The following CDH12 variants were observed in gnomAD, a reference collection of about 807,000 sequenced individuals.
The protein encoded by CDH12 is cadherin-12.
A neutral mutation model predicts 74.1 loss-of-function variants in CDH12; 41 were observed. The observed-to-expected ratio is 0.55, with a 90% CI of 0.43 to 0.72. CDH12 has a LOEUF of 0.72. Ranked by LOEUF, CDH12 falls within the 30% of genes least tolerant of loss-of-function variation. CDH12 has a pLI of 0.00. For synonymous variants in CDH12, 399 were observed against 355.0 expected (o/e 1.12, Z -1.39); for missense variants, 945 against 977.2 (o/e 0.97, Z 0.44).
intron 1 of CDH12, among the ~76,000 whole-genome samples, chr5:22,549,188 G>T (rs1738459373): frequency 2.0e-5 from 3 of 151,460 alleles, no homozygotes; most frequent in Admixed American, 2.0e-4. Flanking sequence ...GGCCAGGCTG[G>T]CCTGGAATTC....
Position 22,389,016 on chromosome 5 carries a change from C to T in CDH12, c.-333+16241G>A, listed in dbSNP as rs139140031. ...ATCTTTTCTTATGGTTCTTGACAGC[C>T]GAGGGCAAACAAGGTTCTTTGTCAA... On this transcript the variant is annotated intron_variant, in intron 3 of 14. Transcript: ENST00000382254. Among the ~76,000 whole-genome samples the T allele has an allele frequency of 1.2e-4, 19 of 152,210 alleles. No homozygotes were observed. The East Asian group carries it at 3.5e-3, about 28-fold the overall frequency.
intron 2 of CDH12, among the ~76,000 whole-genome samples, chr5:22,474,803 T>A (rs1353840538): frequency 6.6e-6 from 1 of 152,146 alleles, no homozygotes; most frequent in African/African-American, 2.4e-5. Flanking sequence ...TGTAGAAAGC[T>A]GTCCCCAAAG....
chr5:21,863,083 C>G (rs1751136745), intron 6 of CDH12, among the ~76,000 whole-genome samples: 1 of 152,088 alleles, frequency 6.6e-6, no homozygotes, highest in Non-Finnish European at 1.5e-5. Context: ...GTTTCTATCC[C>G]TATTTTTAAA....
intron 10 of CDH12, among the ~76,000 whole-genome samples, chr5:21,787,375 A>G (rs1487744907): frequency 1.3e-5 from 2 of 152,032 alleles, no homozygotes; most frequent in Non-Finnish European, 2.9e-5. Context: ...CAAGATTACA[A>G]CTTGCTGAAG....
chr5:22,626,312 C>T (rs1738294124), intron 1 of CDH12, among the ~76,000 whole-genome samples: 1 of 152,178 alleles, frequency 6.6e-6, no homozygotes, highest in South Asian at 2.1e-4. Context: ...TGCCACCACC[C>T]CTACAGAGCA....
At chr5:22,695,962 A>G (rs1413192463) in intron 1 of CDH12, among the ~76,000 whole-genome samples, 1 of 152,132 alleles carries the variant, frequency 6.6e-6, no homozygotes, top group Non-Finnish European at 1.5e-5. Context: ...TTATTCAACA[A>G]TCTTAACCAA....
At chr5:22,460,783 C>T (rs1404155551) in intron 2 of CDH12, among the ~76,000 whole-genome samples, 2 of 135,994 alleles carry the variant, frequency 1.5e-5, no homozygotes, top group East Asian at 2.2e-4. Context: ...CGTGATGGCA[C>T]GATCTCGGCT....
At chr5:22,607,432 G>A (rs752968332) in intron 1 of CDH12, among the ~76,000 whole-genome samples, 3 of 152,156 alleles carry the variant, frequency 2.0e-5, no homozygotes, top group Non-Finnish European at 2.9e-5. Context: ...ATGGCAAGAG[G>A]CAAAAGGCAC....
chr5:21,772,554 G>A (rs1445431346), intron 11 of CDH12, among the ~76,000 whole-genome samples: 1 of 152,172 alleles, frequency 6.6e-6, no homozygotes, highest in Admixed American at 6.5e-5. Context: ...GATTATAGGT[G>A]TGAGCCACCG....
At chr5:22,626,132 C>T (rs1173579581) in intron 1 of CDH12, among the ~76,000 whole-genome samples, 4 of 152,146 alleles carry the variant, frequency 2.6e-5, no homozygotes, top group African/African-American at 9.7e-5. Flanking sequence ...TACATGTTGG[C>T]ACCCTACCCC....
At chr5:21,842,096 T>A (rs1749896746) in intron 8 of CDH12, 65 bp downstream of exon 8, 1 of 1,235,352 alleles carries the variant, frequency 8.1e-7, no homozygotes, top group South Asian at 1.5e-5. Context: ...TCCCATAGCA[T>A]TCAATGACAC....
chr5:22,416,608 A>T (rs1743402051), intron 2 of CDH12, among the ~76,000 whole-genome samples: 1 of 152,162 alleles, frequency 6.6e-6, no homozygotes, highest in Admixed American at 6.5e-5. Flanking sequence ...CCTTTGAAAG[A>T]TTTTGTCAGT....
At chr5:22,157,587 G>A (rs1580338312) in intron 4 of CDH12, among the ~76,000 whole-genome samples, 1 of 150,852 alleles carries the variant, frequency 6.6e-6, no homozygotes. Context: ...CATAAAATCT[G>A]AAAAAAAAAT....
intron 1 of CDH12, among the ~76,000 whole-genome samples, chr5:22,539,889 C>T (rs938580234): frequency 6.6e-5 from 10 of 152,154 alleles, no homozygotes; most frequent in African/African-American, 2.2e-4. Context: ...GATGTCAGCT[C>T]AACAACTTGA....
chr5:22,646,407 A>T (rs950626168), intron 1 of CDH12, among the ~76,000 whole-genome samples: 5 of 151,854 alleles, frequency 3.3e-5, no homozygotes, highest in African/African-American at 9.7e-5. Flanking sequence ...TCAATTACTG[A>T]AGAAGCACCA....
intron 3 of CDH12, among the ~76,000 whole-genome samples, chr5:22,225,990 CAACATCAGACAT>C (rs1752181222): frequency 7.8e-6 from 1 of 128,342 alleles, no homozygotes; most frequent in Non-Finnish European, 1.8e-5. Flanking sequence ...TATGGAATAA[CAACATCAGACAT>C]AGAATATTCA....
rs542164294 is a variant in CDH12 at position 22,713,039 on chromosome 5, T to C, written c.-523+140019A>G. On this transcript the variant is annotated intron_variant, in intron 1 of 14. Coordinates refer to ENST00000382254, the MANE Select transcript of CDH12 (RefSeq NM_004061.5). ...GGAAACTGGGCAAACTTGGCATACA[T>C]CAGAGAATACTTAACGATTATCAAG... is the stretch of plus-strand genomic sequence containing the variant. 8.8e-4 allele frequency among the ~76,000 whole-genome samples: 133 copies of C among 150,792 alleles called. 2 individuals carry two copies. The highest frequency in any genetic ancestry group is 6.5e-3 in the Admixed American group (99 of 15,138).
chr5:21,781,798 A>T (rs577733129), intron 11 of CDH12, among the ~76,000 whole-genome samples: 1 of 152,118 alleles, frequency 6.6e-6, no homozygotes, highest in Non-Finnish European at 1.5e-5. Flanking sequence ...CATTTTAAAA[A>T]TTTTCCTTTC....
intron 1 of CDH12, among the ~76,000 whole-genome samples, chr5:22,697,632 C>T (rs1742449311): frequency 2.0e-5 from 3 of 150,728 alleles, no homozygotes; most frequent in African/African-American, 7.3e-5. Flanking sequence ...ATGTTTTTAT[C>T]TATTCAATTA....
Sources: gnomAD v4.1 joint callset for allele counts (sites outside exome capture counted in the v4.1 genomes callset) on GRCh38, gnomAD v4.1.1 for gene constraint, MANE v1.5 for transcripts, NCBI Gene and HGNC (gene_info 2026-07-23, HGNC 2026-07-21) for gene names.